SUGP1: variants seen among roughly 807,000 people sequenced by gnomAD.
SUGP1 encodes the protein SURP and G-patch domain containing 1.
In SUGP1, 34 loss-of-function variants were observed where a neutral mutation model predicts 76.5. The ratio of observed to expected loss-of-function variants is 0.44; its 90% confidence interval spans 0.34 to 0.59. SUGP1 has a LOEUF of 0.59. Among genes scored for constraint, SUGP1 ranks in the 20% least tolerant of loss-of-function variants. The pLI is 0.01. For missense variants in SUGP1, 752 were observed against 851.7 expected (o/e 0.88, Z 1.46); for synonymous variants, 326 against 326.2 (o/e 1.00, Z 0.01).
chr19:19,309,291 C>T (rs1264830290), intron 3 of SUGP1, among the ~76,000 whole-genome samples: 1 of 152,066 alleles, frequency 6.6e-6, no homozygotes, highest in Non-Finnish European at 1.5e-5. Context: ...CCAAGACCAG[C>T]GTGACCAACA....
intron 2 of SUGP1, among the ~76,000 whole-genome samples, chr19:19,312,885 G>T (rs1003572233): frequency 6.6e-6 from 1 of 151,798 alleles, no homozygotes; most frequent in African/African-American, 2.4e-5. Flanking sequence ...AGCTACTCAG[G>T]AGGCTGAGGC....
chr19:19,287,646 G>A (rs941183165), intron 8 of SUGP1, among the ~76,000 whole-genome samples: 1 of 152,126 alleles, frequency 6.6e-6, no homozygotes, highest in African/African-American at 2.4e-5. Flanking sequence ...ATGGAAAGGA[G>A]TGCTTCCAAA....
At chr19:19,285,294 TATCTGGG>T (rs1397984434) in intron 8 of SUGP1, among the ~76,000 whole-genome samples, 4 of 152,124 alleles carry the variant, frequency 2.6e-5, no homozygotes, top group African/African-American at 9.7e-5. Context: ...GCCTCCCAAG[TATCTGGG>T]ATTACAGGAG....
intron 5 of SUGP1, 68 bp downstream of exon 5, chr19:19,303,634 GCCCACACTAGCAAGCACCCAGC>G: frequency 5.9e-6 from 9 of 1,517,422 alleles, no homozygotes; most frequent in Non-Finnish European, 8.2e-6. Flanking sequence ...ACAGCATCCG[GCCCACACTAGCAAGCACCCAGC>G]CCCACACGTG....
At chr19:19,278,457 A>G (rs903072970) in intron 11 of SUGP1, among the ~76,000 whole-genome samples, 1 of 151,986 alleles carries the variant, frequency 6.6e-6, no homozygotes. Flanking sequence ...ACTGGAAGCA[A>G]AATTTCCCCC....
intron 6 of SUGP1, among the ~76,000 whole-genome samples, chr19:19,303,015 T>A (rs1029649548): frequency 1.3e-5 from 2 of 152,124 alleles, no homozygotes; most frequent in Non-Finnish European, 2.9e-5. Context: ...CATCAACACT[T>A]GTTAATGTAA....
At position 19,290,697 on chromosome 19, in the gene SUGP1, G is replaced by T. The variant is rs956266630; in HGVS notation, c.1243+6292C>A. On this transcript the variant is annotated intron_variant, in intron 8 of 13. Transcript: ENST00000247001. ...CTCTTTGCTATATATACACAGTTTT[G>T]TTATTTTTATTTTTAAGGAAAACTG... Among the ~76,000 whole-genome samples the T allele has an allele frequency of 8.5e-5, 13 of 152,128 alleles. 1 individual carries two copies. Among genetic ancestry groups the T allele is most frequent in the African/African-American group, 3.1e-4 (13 of 41,430 alleles).
intron 7 of SUGP1, among the ~76,000 whole-genome samples, chr19:19,299,129 T>C (rs1270038355): frequency 2.6e-5 from 4 of 152,210 alleles, no homozygotes. Flanking sequence ...TTTATCTTAA[T>C]AGAGCTGTGA....
intron 8 of SUGP1, among the ~76,000 whole-genome samples, chr19:19,286,551 G>C (rs1309244188): frequency 1.3e-5 from 2 of 152,138 alleles, no homozygotes; most frequent in Admixed American, 6.6e-5. Flanking sequence ...AACGGGTAGA[G>C]GGTAAGGGAT....
At chr19:19,289,568 T>C (rs969728562) in intron 8 of SUGP1, among the ~76,000 whole-genome samples, 1 of 152,054 alleles carries the variant, frequency 6.6e-6, no homozygotes, top group African/African-American at 2.4e-5. Context: ...GCCAACTTGG[T>C]GAAACCTCGT....
chr19:19,291,110 C>G (rs915856230), intron 8 of SUGP1, among the ~76,000 whole-genome samples: 1 of 152,054 alleles, frequency 6.6e-6, no homozygotes, highest in Non-Finnish European at 1.5e-5. Flanking sequence ...GAGTGAGACT[C>G]CATCTCAAAA....
intron 8 of SUGP1, among the ~76,000 whole-genome samples, chr19:19,282,106 A>C (rs956995345): frequency 3.3e-5 from 5 of 152,142 alleles, no homozygotes; most frequent in African/African-American, 1.2e-4. Context: ...CAGCCTCCCA[A>C]GTAGCTGGGA....
At chr19:19,282,020 C>T (rs2061102555) in intron 8 of SUGP1, among the ~76,000 whole-genome samples, 1 of 152,190 alleles carries the variant, frequency 6.6e-6, no homozygotes. Context: ...TGCTCTGTCG[C>T]TCAGGCTGGA....
At chr19:19,310,596 A>G (rs2061346389) in intron 2 of SUGP1, among the ~76,000 whole-genome samples, 1 of 151,996 alleles carries the variant, frequency 6.6e-6, no homozygotes, top group Non-Finnish European at 1.5e-5. Context: ...TAGACCTTAG[A>G]GTTTTCCAAG....
At chr19:19,299,641 C>T (rs1300158834) in intron 7 of SUGP1, among the ~76,000 whole-genome samples, 1 of 151,838 alleles carries the variant, frequency 6.6e-6, no homozygotes, top group Admixed American at 6.6e-5. Flanking sequence ...CTCAGCCTCC[C>T]AAAGTGCTGG....
intron 7 of SUGP1, among the ~76,000 whole-genome samples, chr19:19,299,389 C>G (rs1210986656): frequency 6.6e-6 from 1 of 150,940 alleles, no homozygotes; most frequent in Non-Finnish European, 1.5e-5. Context: ...CTTTTTTTTT[C>G]TGAGACGGAG....
chr19:19,314,794 G>C (rs897132568), intron 2 of SUGP1, among the ~76,000 whole-genome samples: 1 of 151,908 alleles, frequency 6.6e-6, no homozygotes, highest in South Asian at 2.1e-4. Context: ...CAACACTCTG[G>C]GAGACTGAGA....
intron 8 of SUGP1, among the ~76,000 whole-genome samples, chr19:19,288,878 C>T (rs2061161312): frequency 6.6e-6 from 1 of 152,084 alleles, no homozygotes; most frequent in Admixed American, 6.5e-5. Context: ...CTCCACCTCC[C>T]GAGTTCAAGC....
chr19:19,296,578 C>A (rs1047141767), intron 8 of SUGP1, among the ~76,000 whole-genome samples: 2 of 150,662 alleles, frequency 1.3e-5, no homozygotes, highest in Non-Finnish European at 2.9e-5. Context: ...ACCCAGGAGG[C>A]AGAGCTTATG....
Sources: gnomAD v4.1 joint callset for allele counts (sites outside exome capture counted in the v4.1 genomes callset) on GRCh38, gnomAD v4.1.1 for gene constraint, MANE v1.5 for transcripts, NCBI Gene and HGNC (gene_info 2026-07-23, HGNC 2026-07-21) for gene names.